KCNIP4: variants seen among roughly 807,000 people sequenced by gnomAD.
The protein encoded by KCNIP4 is Kv channel-interacting protein 4.
Under a neutral mutation model 34.0 loss-of-function variants are expected in KCNIP4, and 12 were observed. That is an observed-to-expected ratio of 0.35 (90% CI 0.23 to 0.57). The LOEUF (loss-of-function observed/expected upper bound fraction) is 0.57, where lower values mean the gene tolerates loss of function less well. KCNIP4 is among the 20% of genes least tolerant of loss of function. KCNIP4 has a pLI of 0.83. For synonymous variants in KCNIP4, 124 were observed against 102.2 expected (o/e 1.21, Z -1.29); for missense variants, 238 against 311.7 (o/e 0.76, Z 1.78).
chr4:21,320,179 AAC>A (rs887294105), intron 1 of KCNIP4, among the ~76,000 whole-genome samples: 3 of 152,336 alleles, frequency 2.0e-5, no homozygotes, highest in Admixed American at 2.0e-4. Context: ...CACAACAACA[AAC>A]ACAATTTCAT....
At position 21,605,016 on chromosome 4, in the gene KCNIP4, C is replaced by A. The variant is rs538797391; in HGVS notation, c.61+343555G>T. The stretch of plus-strand genomic sequence containing the variant: ...GGCATTTTCTGAACTTTAAAGGACA[C>A]TGGGGTGTTTCTGGGAGTAAAACAG... On this transcript the variant is annotated intron_variant, in intron 1 of 8. Coordinates refer to ENST00000382152, the MANE Select transcript of KCNIP4 (RefSeq NM_025221.6). Among the ~76,000 whole-genome samples the A allele has an allele frequency of 2.6e-5, 4 of 152,294 alleles. No homozygotes were observed. In the South Asian group the frequency reaches 8.3e-4, roughly 32 times the overall value.
intron 1 of KCNIP4, among the ~76,000 whole-genome samples, chr4:21,875,534 T>C (rs1318741423): frequency 1.3e-5 from 2 of 152,184 alleles, no homozygotes; most frequent in African/African-American, 2.4e-5. Context: ...TCTATACCAG[T>C]AGAAGTGATT....
chr4:21,227,726 T>A (rs1758504429), intron 1 of KCNIP4, among the ~76,000 whole-genome samples: 1 of 152,120 alleles, frequency 6.6e-6, no homozygotes, highest in Admixed American at 6.5e-5. Flanking sequence ...CAAAATCAAT[T>A]CCATTCTAGT....
intron 1 of KCNIP4, among the ~76,000 whole-genome samples, chr4:21,771,644 T>A (rs1718797173): frequency 1.3e-5 from 2 of 150,890 alleles, no homozygotes; most frequent in Admixed American, 6.6e-5. Context: ...AGTTCTCACA[T>A]CCCTCGTTAG....
At chr4:21,432,057 T>G (rs1577350555) in intron 1 of KCNIP4, among the ~76,000 whole-genome samples, 1 of 133,208 alleles carries the variant, frequency 7.5e-6, no homozygotes, top group South Asian at 2.5e-4. Flanking sequence ...GATATAAGAA[T>G]ATTCATAGTG....
intron 1 of KCNIP4, among the ~76,000 whole-genome samples, chr4:21,917,459 C>T (rs1442079902): frequency 6.6e-6 from 1 of 152,126 alleles, no homozygotes. Context: ...TTATGCATTA[C>T]TAATTAAATT....
At chr4:20,905,779 C>T (rs561070081) in intron 1 of KCNIP4, among the ~76,000 whole-genome samples, 113 of 151,984 alleles carry the variant, frequency 7.4e-4, no homozygotes, top group African/African-American at 2.7e-3. Flanking sequence ...CTTGGCCTCC[C>T]AAAGAGCTGG....
intron 1 of KCNIP4, among the ~76,000 whole-genome samples, chr4:21,199,827 G>A (rs892857872): frequency 4.6e-5 from 7 of 152,006 alleles, no homozygotes; most frequent in Non-Finnish European, 8.8e-5. Flanking sequence ...TTAAGAAAAT[G>A]TGGCATATAT....
chr4:21,641,254 C>A (rs1746593793), intron 1 of KCNIP4, among the ~76,000 whole-genome samples: 2 of 152,224 alleles, frequency 1.3e-5, no homozygotes. Context: ...ACAACCTGCA[C>A]CTATGGCCTC....
chr4:21,188,829 A>T (rs942486265), intron 1 of KCNIP4, among the ~76,000 whole-genome samples: 2 of 152,154 alleles, frequency 1.3e-5, no homozygotes, highest in Non-Finnish European at 2.9e-5. Flanking sequence ...AGAGGGTGAG[A>T]TCTCTAACAG....
At chr4:21,909,654 G>A (rs1728190459) in intron 1 of KCNIP4, among the ~76,000 whole-genome samples, 1 of 152,032 alleles carries the variant, frequency 6.6e-6, no homozygotes, top group Admixed American at 6.6e-5. Flanking sequence ...AACACATACT[G>A]TATTAGTTTG....
intron 1 of KCNIP4, among the ~76,000 whole-genome samples, chr4:21,351,874 T>C (rs887404251): frequency 1.3e-5 from 2 of 152,172 alleles, no homozygotes; most frequent in Non-Finnish European, 2.9e-5. Context: ...ATTTCTTTTG[T>C]TTAACTCAGC....
At chr4:21,234,308 TAACA>T (rs1363015125) in intron 1 of KCNIP4, among the ~76,000 whole-genome samples, 2 of 96,844 alleles carry the variant, frequency 2.1e-5, no homozygotes, top group Non-Finnish European at 3.6e-5. Flanking sequence ...ATAACATATA[TAACA>T]TATATATAAC....
At chr4:21,841,256 C>T (rs552902274) in intron 1 of KCNIP4, among the ~76,000 whole-genome samples, 4 of 152,200 alleles carry the variant, frequency 2.6e-5, no homozygotes, top group Admixed American at 2.0e-4. Context: ...TTTCTCAGGT[C>T]ATTGCATTTG....
intron 1 of KCNIP4, among the ~76,000 whole-genome samples, chr4:21,067,340 T>C (rs1744487444): frequency 6.6e-6 from 1 of 151,886 alleles, no homozygotes; most frequent in Non-Finnish European, 1.5e-5. Context: ...CTGTGGTGGC[T>C]ATGGGGAGAG....
chr4:21,009,913 C>T (rs1738920808), intron 1 of KCNIP4, among the ~76,000 whole-genome samples: 1 of 152,198 alleles, frequency 6.6e-6, no homozygotes, highest in South Asian at 2.1e-4. Flanking sequence ...TTGTCAGCTA[C>T]ATCTGCCATA....
At chr4:20,948,290 A>G (rs1473193012) in intron 1 of KCNIP4, among the ~76,000 whole-genome samples, 1 of 152,196 alleles carries the variant, frequency 6.6e-6, no homozygotes, top group African/African-American at 2.4e-5. Context: ...AGCAAAGCAA[A>G]ATTTAATAAG....
intron 1 of KCNIP4, among the ~76,000 whole-genome samples, chr4:21,666,997 C>T (rs937219817): frequency 6.6e-6 from 1 of 152,160 alleles, no homozygotes; most frequent in Non-Finnish European, 1.5e-5. Context: ...TTTAAAAAAT[C>T]ATCAATTACC....
intron 1 of KCNIP4, among the ~76,000 whole-genome samples, chr4:21,694,709 C>A (rs145161408): frequency 6.6e-6 from 1 of 151,898 alleles, no homozygotes; most frequent in Admixed American, 6.6e-5. Flanking sequence ...TTTTCTGTAA[C>A]TTGTGATAAC....
Sources: allele counts gnomAD v4.1 joint callset (sites outside exome capture counted in the v4.1 genomes callset), GRCh38; gene constraint gnomAD v4.1.1; transcripts MANE v1.5; gene names NCBI Gene and HGNC (gene_info 2026-07-23, HGNC 2026-07-21).